Variants in GPR39 observed in about 807,000 individuals in gnomAD.
GPR39 encodes the protein zinc sensing receptor.
GPR39 carries 23 observed loss-of-function variants against 18.4 expected under a neutral mutation model. The observed-to-expected ratio is 1.25, with a 90% CI of 0.90 to 1.77. GPR39 has a LOEUF of 1.77. Ranked by LOEUF, GPR39 falls within the 40% of genes most tolerant of loss-of-function variation. GPR39 has a pLI of 0.00. For missense variants in GPR39, 647 were observed against 602.4 expected (o/e 1.07, Z -0.78); for synonymous variants, 280 against 257.9 (o/e 1.09, Z -0.82).
intron 1 of GPR39, among the ~76,000 whole-genome samples, chr2:132,607,448 A>G (rs1681159783): frequency 6.6e-6 from 1 of 152,172 alleles, no homozygotes; most frequent in African/African-American, 2.4e-5. Context: ...TTTGCAAGAC[A>G]ATGTCTGGGA....
At chr2:132,537,647 T>C (rs1457297384) in intron 1 of GPR39, among the ~76,000 whole-genome samples, 1 of 152,144 alleles carries the variant, frequency 6.6e-6, no homozygotes, top group African/African-American at 2.4e-5. Context: ...TTTTCCAACT[T>C]GGTTCCATTC....
At position 132,585,203 on chromosome 2, in the gene GPR39, A is replaced by G. The variant is rs114492489; in HGVS notation, c.857-59898A>G. On this transcript the variant is annotated intron_variant, in intron 1 of 1. Coordinates refer to ENST00000329321, the MANE Select transcript of GPR39 (RefSeq NM_001508.3). ...ACTGCACCCGCCCCTTTACCGTTCC[A>G]CTGCTTTTCCCGTAACAACTTGGGG... Among the ~76,000 whole-genome samples the G allele has an allele frequency of 8.9e-3, 1,348 of 151,826 alleles. 28 individuals are homozygous for G. Among genetic ancestry groups the G allele is most frequent in the African/African-American group, 0.031 (1,280 of 41,406 alleles).
chr2:132,618,043 C>T (rs193089813), intron 1 of GPR39, among the ~76,000 whole-genome samples: 1 of 152,254 alleles, frequency 6.6e-6, no homozygotes, highest in East Asian at 1.9e-4. Context: ...GCATTGATTC[C>T]CCCTAAATAT....
Position 132,645,998 on chromosome 2 carries a change from C to T in GPR39, c.*392C>T, listed in dbSNP as rs182316747. On this transcript the variant is annotated 3_prime_UTR_variant, in exon 2 of 2. Coordinates refer to ENST00000329321, the MANE Select transcript of GPR39 (RefSeq NM_001508.3). ...ACTCAGGGAGGTGGGGGGTTGGGGGCGAGGGCTGGAAGAACAATGCAGGAG... is the reference window on the plus strand; with the variant it reads ...ACTCAGGGAGGTGGGGGGTTGGGGGTGAGGGCTGGAAGAACAATGCAGGAG... The T allele has an allele frequency of 4.0e-5, 56 of 1,403,142 alleles. No homozygotes were observed. In the East Asian group the frequency reaches 1.1e-3, roughly 29 times the overall value. 86.9% of individuals were successfully genotyped at this position (1,403,142 alleles called of 1,614,324 possible). A position where few individuals can be genotyped will look rare whatever the true frequency, so the allele number is the denominator to read the frequency against.
At chr2:132,455,996 T>C (rs1438895333) in intron 1 of GPR39, among the ~76,000 whole-genome samples, 1 of 152,192 alleles carries the variant, frequency 6.6e-6, no homozygotes, top group Non-Finnish European at 1.5e-5. Flanking sequence ...CTATGAGGTC[T>C]GCTTGTTGCA....
intron 1 of GPR39, among the ~76,000 whole-genome samples, chr2:132,514,071 G>A (rs1385011463): frequency 6.6e-6 from 1 of 152,128 alleles, no homozygotes; most frequent in Non-Finnish European, 1.5e-5. Context: ...GGCAGCAGGA[G>A]GGTGGGTGAT....
chr2:132,624,153 T>C (rs1681499207), intron 1 of GPR39, among the ~76,000 whole-genome samples: 1 of 152,172 alleles, frequency 6.6e-6, no homozygotes, highest in African/African-American at 2.4e-5. Flanking sequence ...AAGGTGTCGG[T>C]AGGGTTGGCT....
chr2:132,481,061 A>G (rs916992732), intron 1 of GPR39, among the ~76,000 whole-genome samples: 1 of 152,156 alleles, frequency 6.6e-6, no homozygotes, highest in Non-Finnish European at 1.5e-5. Flanking sequence ...CCGTTTAAAA[A>G]TTTTTTATCC....
At chr2:132,620,433 C>T (rs1313138372) in intron 1 of GPR39, among the ~76,000 whole-genome samples, 1 of 152,166 alleles carries the variant, frequency 6.6e-6, no homozygotes. Flanking sequence ...TCACCCCTCC[C>T]ATCTCAGTTT....
At chr2:132,614,648 T>G (rs780692634) in intron 1 of GPR39, among the ~76,000 whole-genome samples, 3 of 152,082 alleles carry the variant, frequency 2.0e-5, no homozygotes, top group Admixed American at 1.3e-4. Context: ...CCTCCCAGGT[T>G]CAAGCAATTC....
intron 1 of GPR39, among the ~76,000 whole-genome samples, chr2:132,570,249 C>T (rs1452300569): frequency 6.6e-6 from 1 of 152,176 alleles, no homozygotes; most frequent in East Asian, 1.9e-4. Context: ...CCTTCTGTCA[C>T]TTCCCCTGTT....
At chr2:132,633,537 C>T (rs1471479302) in intron 1 of GPR39, among the ~76,000 whole-genome samples, 1 of 152,100 alleles carries the variant, frequency 6.6e-6, no homozygotes, top group Non-Finnish European at 1.5e-5. Context: ...CTTTCTGGGC[C>T]TTATCCATGA....
At position 132,645,460 on chromosome 2, in the gene GPR39, GAGA is replaced by G. The variant is rs113224054; in HGVS notation, c.1220_1222del (p.Lys407del). On this transcript the variant is annotated inframe_deletion, in exon 2 of 2. Coordinates refer to ENST00000329321, the MANE Select transcript of GPR39 (RefSeq NM_001508.3). ...GCGCCAGTCCTCTGCAAGGAGAACT[GAGA>G]AGATTTTCTTAAGCACTTTTCAGAG... 627 of 1,613,900 alleles carry G rather than the reference GAGA, an allele frequency of 3.9e-4. 4 individuals carry two copies. In the African/African-American group the frequency reaches 7.0e-3, roughly 18 times the overall value.
In GPR39 at chr2:132,638,698, T is replaced by C. The variant is rs770149989; in HGVS notation, c.857-6403T>C. On this transcript the variant is annotated intron_variant, in intron 1 of 1. Transcript: ENST00000329321. The stretch of plus-strand genomic sequence containing the variant: ...ACTAACATATAAATTGAGAAAGTGC[T>C]AAAATCTTTTATTGGATGTATTTGT... 2.0e-5 allele frequency among the ~76,000 whole-genome samples: 3 copies of C among 152,344 alleles called. No individual in the cohort carries two copies. The South Asian group carries it at 6.2e-4, about 32-fold the overall frequency.
intron 1 of GPR39, among the ~76,000 whole-genome samples, chr2:132,479,398 T>G (rs540787128): frequency 6.6e-6 from 1 of 152,240 alleles, no homozygotes; most frequent in South Asian, 2.1e-4. Context: ...GCTGTAAATA[T>G]TTGCAGAAGG....
chr2:132,532,988 C>A (rs1402937724), intron 1 of GPR39, among the ~76,000 whole-genome samples: 1 of 152,040 alleles, frequency 6.6e-6, no homozygotes, highest in Admixed American at 6.6e-5. Flanking sequence ...GTTGGAAGTT[C>A]TGGCCAGGGC....
intron 1 of GPR39, among the ~76,000 whole-genome samples, chr2:132,542,242 T>A (rs1378485355): frequency 6.6e-6 from 1 of 152,190 alleles, no homozygotes; most frequent in Admixed American, 6.5e-5. Context: ...CAGTAAATGT[T>A]TGCTGTCACT....
chr2:132,457,770 A>C (rs1367509224), intron 1 of GPR39, among the ~76,000 whole-genome samples: 1 of 152,204 alleles, frequency 6.6e-6, no homozygotes, highest in Non-Finnish European at 1.5e-5. Flanking sequence ...GGCCTTGTTG[A>C]GCTGTGGTGG....
chr2:132,579,124 A>G (rs1408376201), intron 1 of GPR39, among the ~76,000 whole-genome samples: 3 of 140,396 alleles, frequency 2.1e-5, no homozygotes, highest in Admixed American at 2.1e-4. Flanking sequence ...CCTTCTCAGT[A>G]CTCTTTAGCT....
Sources: allele counts gnomAD v4.1 joint callset (sites outside exome capture counted in the v4.1 genomes callset), GRCh38; gene constraint gnomAD v4.1.1; transcripts MANE v1.5; gene names NCBI Gene and HGNC (gene_info 2026-07-23, HGNC 2026-07-21).